The following LGALS16 variants were observed in gnomAD, a reference collection of about 807,000 sequenced individuals.
LGALS16 encodes galectin 16.
LGALS16 carries 15 observed loss-of-function variants against 13.2 expected under a neutral mutation model. The observed-to-expected ratio is 1.13, with a 90% confidence interval of 0.76 to 1.75. The LOEUF (loss-of-function observed/expected upper bound fraction) is 1.75. Ranked by LOEUF, LGALS16 falls within the 40% of genes most tolerant of loss-of-function variation. LGALS16 has a pLI of 0.00. For missense variants in LGALS16, 198 were observed against 178.4 expected (o/e 1.11, Z -0.63); for synonymous variants, 66 against 65.4 (o/e 1.01, Z -0.05).
chr19:39,660,294 G>T, intron 3 of LGALS16, 101 bp from the exon 4 acceptor site: 1 of 1,202,896 alleles, frequency 8.3e-7, no homozygotes, highest in Non-Finnish European at 1.2e-6. Context: ...ATAACTAGGA[G>T]TTTTCTTGGG....
intron 3 of LGALS16, 50 bp downstream of exon 3, chr19:39,658,720 C>A: frequency 8.3e-7 from 1 of 1,209,166 alleles, no homozygotes; most frequent in Non-Finnish European, 1.2e-6. Context: ...GATCCCAGAG[C>A]AGGAGTCAGC....
At position 39,657,965 on chromosome 19, in the gene LGALS16, T is replaced by C. The variant is rs1302184963; in HGVS notation, c.92+6T>C. ...ACACTGATCGACTCTTCTATGTGAG[T>C]ACTCCATGGTCCAATGGAGGGGGTG... On this transcript the variant is annotated splice_donor_region_variant and intron_variant, in intron 2 of 3. Coordinates refer to ENST00000392051, the MANE Select transcript of LGALS16 (RefSeq NM_001190441.3). The C allele has an allele frequency of 6.2e-7, 1 of 1,613,616 alleles. No individual in the cohort carries two copies. The highest frequency in any genetic ancestry group is 8.5e-7 in the Non-Finnish European group (1 of 1,179,906).
chr19:39,659,229 A>G (rs1310793078), intron 3 of LGALS16, among the ~76,000 whole-genome samples: 2 of 151,942 alleles, frequency 1.3e-5, no homozygotes, highest in African/African-American at 4.8e-5. Flanking sequence ...CCTCCCAAGT[A>G]GATGGGATTA....
intron 2 of LGALS16, 32 bp from the exon 3 acceptor site, chr19:39,658,428 C>T (rs780963327): frequency 6.5e-7 from 1 of 1,537,888 alleles, no homozygotes; most frequent in East Asian, 2.3e-5. Context: ...AATGAAGGAA[C>T]CTGTCCAATA....
In LGALS16 at chr19:39,657,939, G is replaced by T. The variant is rs755439230; in HGVS notation, c.72G>T (p.Gly24=). 6.2e-7 allele frequency: 1 copy of T among 1,613,996 alleles called. No individual in the cohort carries two copies. Among genetic ancestry groups the T allele is most frequent in the South Asian group, 1.1e-5 (1 of 91,084 alleles). The change falls in exon 2 of 4, where the codon GGG becomes GGT. Residue 24 remains glycine, a synonymous_variant. Transcript: ENST00000392051. ...LSVGSCVIIK[G]TLIDSSINEP... ...TTGGTTCCTGCGTGATAATCAAAGG[G>T]ACACTGATCGACTCTTCTATGTGAG...
intron 3 of LGALS16, 104 bp downstream of exon 3, chr19:39,658,774 G>A (rs918361556): frequency 1.5e-5 from 11 of 721,212 alleles, no homozygotes; most frequent in East Asian, 2.7e-5. Context: ...CCCATCTCCC[G>A]TAACTACCCC....
chr19:39,657,794 C>T (rs748868540), intron 1 of LGALS16, 89 bp from the exon 2 acceptor site: 4 of 1,456,864 alleles, frequency 2.7e-6, no homozygotes, highest in East Asian at 4.6e-5. Context: ...GCCCTGTGAT[C>T]TCTAACCTCC....
In LGALS16 at chr19:39,658,642, G is replaced by T. The variant is rs538753481; in HGVS notation, c.275G>T (p.Arg92Leu). 6.3e-7 allele frequency: 1 copy of T among 1,588,622 alleles called. No individual in the cohort carries two copies. The highest frequency in any genetic ancestry group is 1.3e-5 in the African/African-American group (1 of 74,564). ...GAGGATGGCAAACCATTTGACTTGC[G>T]CATCTACGTGTGTCACAATGAGTAT... ...PFEDGKPFDL[R>L]IYVCHNEYEV... Residue 92 changes from arginine to leucine, a missense_variant, in exon 3 of 4, where the codon CGC (arginine) becomes CTC (leucine). By Grantham distance (102) the Arg-to-Leu change is moderately radical. Coordinates refer to ENST00000392051, the MANE Select transcript of LGALS16 (RefSeq NM_001190441.3).
intron 1 of LGALS16, among the ~76,000 whole-genome samples, chr19:39,657,200 C>T (rs964666659): frequency 1.3e-5 from 2 of 152,140 alleles, no homozygotes; most frequent in African/African-American, 2.4e-5. Flanking sequence ...AGGAGTTCAA[C>T]GTTTCAATGA....
At chr19:39,660,351 G>T (rs763714581) in intron 3 of LGALS16, 44 bp from the exon 4 acceptor site, 18 of 1,536,768 alleles carry the variant, frequency 1.2e-5, no homozygotes, top group Middle Eastern at 1.7e-4. Context: ...CTGAAAACTT[G>T]TTGGGTGGCA....
rs766684125 is a variant in LGALS16, at chr19:39,657,929, T to C, written c.62T>C (p.Ile21Thr). 1.9e-6 allele frequency: 3 copies of C among 1,613,940 alleles called. No homozygotes were observed. Residue 21 changes from isoleucine (I) to threonine (T), a missense_variant, in exon 2 of 4, where the codon ATA becomes ACA. Physicochemically the swap from Ile to Thr is moderately conservative, Grantham distance 89. Transcript: ENST00000392051. ...TCTTTGTCTGTTGGTTCCTGCGTGA[T>C]AATCAAAGGGACACTGATCGACTCT... ...PVSLSVGSCV[I>T]IKGTLIDSSI...
At chr19:39,660,146 G>A (rs1973243056) in intron 3 of LGALS16, among the ~76,000 whole-genome samples, 2 of 152,168 alleles carry the variant, frequency 1.3e-5, no homozygotes, top group African/African-American at 4.8e-5. Context: ...AAGGGAGGCT[G>A]AATAAACAGG....
rs116730260 is a variant in LGALS16 at position 39,660,049 on chromosome 19, G to A, written c.304-346G>A. 8.3e-4 allele frequency among the ~76,000 whole-genome samples: 126 copies of A among 152,248 alleles called. 1 individual carries two copies. The highest frequency in any genetic ancestry group is 1.1e-3 in the Non-Finnish European group (78 of 68,014). On this transcript the variant is annotated intron_variant, in intron 3 of 3. Transcript: ENST00000392051. ...TATGCATTTCAGTGAACATGGTCTCGCACTAACCCTGTGGCAGGTCCTGTG... is the reference window on the plus strand; with the variant it reads ...TATGCATTTCAGTGAACATGGTCTCACACTAACCCTGTGGCAGGTCCTGTG...
chr19:39,658,644 A>AT lies in LGALS16; in HGVS notation c.278dup (p.Tyr94LeufsTer6), dbSNP rs761682840. The AT allele has an allele frequency of 3.0e-5, 48 of 1,588,602 alleles. No homozygotes were observed. Among genetic ancestry groups the AT allele is most frequent in the Non-Finnish European group, 3.7e-5 (43 of 1,171,026 alleles). On this transcript the variant is annotated frameshift_variant, in exon 3 of 4. Transcript: ENST00000392051. LOFTEE classifies it low-confidence loss of function (END_TRUNC). Reference sequence around the variant, plus strand: ...GGATGGCAAACCATTTGACTTGCGCATCTACGTGTGTCACAATGAGTATGA... The same window carrying AT: ...GGATGGCAAACCATTTGACTTGCGCATTCTACGTGTGTCACAATGAGTATGA...
At chr19:39,659,424 T>C (rs1973235284) in intron 3 of LGALS16, among the ~76,000 whole-genome samples, 1 of 152,218 alleles carries the variant, frequency 6.6e-6, no homozygotes, top group Non-Finnish European at 1.5e-5. Flanking sequence ...GATATGTCTA[T>C]GATTTCATTT....
chr19:39,656,885 T>C lies in LGALS16; in HGVS notation c.15+909T>C, dbSNP rs751521266. Among the ~76,000 whole-genome samples, 4 of 151,914 alleles carry C rather than the reference T, an allele frequency of 2.6e-5. No individual in the cohort carries two copies. The South Asian group carries it at 6.2e-4, about 24-fold the overall frequency. ...CACGTAAAATATCCACTGTAAGCTA[T>C]GTCTCAACTGAGTCTAAACTTGTTC... On this transcript the variant is annotated intron_variant, in intron 1 of 3. Coordinates refer to ENST00000392051, the MANE Select transcript of LGALS16 (RefSeq NM_001190441.3).
chr19:39,658,408 G>T lies in LGALS16; in HGVS notation c.93-52G>T, dbSNP rs1412667081. On this transcript the variant is annotated intron_variant, in intron 2 of 3. Coordinates refer to ENST00000392051, the MANE Select transcript of LGALS16 (RefSeq NM_001190441.3). ...AGGGATTTGTGTGCGTGTCAAGTGT[G>T]TGTCTGTGCAATGAAGGAACCTGTC... The T allele has an allele frequency of 1.6e-5, 22 of 1,404,022 alleles. 2 individuals are homozygous for T. The East Asian group carries it at 4.9e-4, about 31-fold the overall frequency. The allele number at this position is 1,404,022 out of a possible 1,614,324, so 87.0% of individuals were successfully genotyped here. A position where few individuals can be genotyped will look rare whatever the true frequency, so the allele number is the denominator to read the frequency against.
chr19:39,657,761 A>G, intron 1 of LGALS16, 122 bp from the exon 2 acceptor site: 1 of 1,065,898 alleles, frequency 9.4e-7, no homozygotes, highest in South Asian at 1.3e-5. Context: ...TGGTAGAGTG[A>G]ATGGGGAGAG....
In LGALS16 at chr19:39,660,590, A is replaced by G; in HGVS notation, c.*70A>G. The G allele has an allele frequency of 7.4e-7, 1 of 1,346,358 alleles. No homozygotes were observed. Among genetic ancestry groups the G allele is most frequent in the Non-Finnish European group, 1.0e-6 (1 of 975,866 alleles). The allele number at this position is 1,346,358 out of a possible 1,614,324, so 83.4% of individuals were successfully genotyped here. Reference sequence around the variant, plus strand: ...GGGATTCCTAGAGCCTGCTAACAGAATAATCCCTCCTCAACCCCTTCCCCT... The same window carrying G: ...GGGATTCCTAGAGCCTGCTAACAGAGTAATCCCTCCTCAACCCCTTCCCCT... On this transcript the variant is annotated 3_prime_UTR_variant, in exon 4 of 4. Transcript: ENST00000392051.
Sources: allele counts gnomAD v4.1 joint callset (sites outside exome capture counted in the v4.1 genomes callset), GRCh38; gene constraint gnomAD v4.1.1; transcripts MANE v1.5; gene names NCBI Gene and HGNC (gene_info 2026-07-23, HGNC 2026-07-21).